Variants in PRKCA observed in about 807,000 individuals in gnomAD.
The protein encoded by PRKCA is protein kinase C alpha type.
In PRKCA, 27 loss-of-function variants were observed where a neutral mutation model predicts 87.0. The ratio of observed to expected loss-of-function variants is 0.31; its 90% CI spans 0.23 to 0.43. PRKCA has a LOEUF of 0.43. Among genes scored for constraint, PRKCA ranks in the 20% least tolerant of loss-of-function variants. PRKCA has a pLI of 1.00. For missense variants in PRKCA, 518 were observed against 852.3 expected (o/e 0.61, Z 4.88); for synonymous variants, 329 against 311.1 (o/e 1.06, Z -0.61).
chr17:66,333,404 A>C (rs1906469736), intron 2 of PRKCA, among the ~76,000 whole-genome samples: 1 of 152,230 alleles, frequency 6.6e-6, no homozygotes, highest in Non-Finnish European at 1.5e-5. Flanking sequence ...TTTTCTGATA[A>C]ATAGTTCAAG....
intron 3 of PRKCA, among the ~76,000 whole-genome samples, chr17:66,604,575 A>G (rs913331759): frequency 1.3e-5 from 2 of 152,230 alleles, no homozygotes; most frequent in African/African-American, 4.8e-5. Flanking sequence ...CTGAGGACAA[A>G]GCACCAGTGT....
At chr17:66,668,058 T>G (rs933838547) in intron 5 of PRKCA, among the ~76,000 whole-genome samples, 1 of 152,226 alleles carries the variant, frequency 6.6e-6, no homozygotes, top group Non-Finnish European at 1.5e-5. Context: ...CTGGCCATAC[T>G]GGATGCATGA....
intron 2 of PRKCA, among the ~76,000 whole-genome samples, chr17:66,397,397 C>A (rs980069841): frequency 2.0e-5 from 3 of 150,770 alleles, no homozygotes; most frequent in African/African-American, 7.3e-5. Flanking sequence ...ACAGTCTAGA[C>A]CATGCTGGAT....
Position 66,546,800 on chromosome 17 carries a change from C to T in PRKCA, c.288+50517C>T, listed in dbSNP as rs546283828. On this transcript the variant is annotated intron_variant, in intron 3 of 16. Transcript: ENST00000413366. Reference sequence around the variant, plus strand: ...ACCCGCAGCATTAGTTTTACCTCTTCGTGTTTTGTTTTGTTTTGTTTGTGG... The same window carrying T: ...ACCCGCAGCATTAGTTTTACCTCTTTGTGTTTTGTTTTGTTTTGTTTGTGG... 5.9e-5 allele frequency among the ~76,000 whole-genome samples: 9 copies of T among 152,186 alleles called. No homozygotes were observed. In the South Asian group the frequency reaches 1.2e-3, roughly 21 times the overall value.
Position 66,804,067 on chromosome 17 carries a change from AG to A in PRKCA, c.*31del, listed in dbSNP as rs1295627053. 1.3e-6 allele frequency: 2 copies of A among 1,585,614 alleles called. No individual in the cohort carries two copies. The highest frequency in any genetic ancestry group is 2.7e-5 in the African/African-American group (2 of 74,304). ...CACCAGCGAGAACAAACACCTCCCC[AG>A]CCCCCAGCCCTCCCCGCAGTGGGAA... On this transcript the variant is annotated 3_prime_UTR_variant, in exon 17 of 17. Transcript: ENST00000413366.
chr17:66,383,985 T>G (rs1909910615), intron 2 of PRKCA, among the ~76,000 whole-genome samples: 1 of 152,114 alleles, frequency 6.6e-6, no homozygotes, highest in African/African-American at 2.4e-5. Context: ...AAGCCATTAA[T>G]GTTATAGTTA....
At chr17:66,771,772 TTA>T (rs1177308740) in intron 13 of PRKCA, among the ~76,000 whole-genome samples, 2 of 152,166 alleles carry the variant, frequency 1.3e-5, no homozygotes, top group East Asian at 3.9e-4. Flanking sequence ...ATTTTTGTAT[TTA>T]TAGTAGAGAC....
chr17:66,556,245 T>C (rs1968490090), intron 3 of PRKCA, among the ~76,000 whole-genome samples: 1 of 151,866 alleles, frequency 6.6e-6, no homozygotes, highest in African/African-American at 2.4e-5. Context: ...TCTACTAAAA[T>C]ATGCATTTGT....
intron 2 of PRKCA, among the ~76,000 whole-genome samples, chr17:66,384,018 A>G (rs1909913869): frequency 6.6e-6 from 1 of 151,796 alleles, no homozygotes; most frequent in Admixed American, 6.6e-5. Flanking sequence ...GTATGCTAGG[A>G]CTCCATTGCA....
intron 16 of PRKCA, among the ~76,000 whole-genome samples, chr17:66,794,245 G>A (rs923746598): frequency 6.6e-6 from 1 of 152,074 alleles, no homozygotes; most frequent in Non-Finnish European, 1.5e-5. Context: ...TTTTTAAAAG[G>A]CAGAAAAATA....
chr17:66,777,101 CAG>C (rs1158740137), intron 14 of PRKCA: 1 of 450,130 alleles, frequency 2.2e-6, no homozygotes, highest in Non-Finnish European at 2.9e-6. Flanking sequence ...TATTATTTTA[CAG>C]AGAGAGAGTT....
At chr17:66,554,337 A>G (rs1968432111) in intron 3 of PRKCA, among the ~76,000 whole-genome samples, 2 of 152,188 alleles carry the variant, frequency 1.3e-5, no homozygotes, top group Non-Finnish European at 2.9e-5. Context: ...CAGTGGAGCC[A>G]TGGAGCCCAG....
chr17:66,404,934 G>C (rs12943274), intron 2 of PRKCA, among the ~76,000 whole-genome samples: 1 of 151,722 alleles, frequency 6.6e-6, no homozygotes, highest in African/African-American at 2.4e-5. Context: ...GTTTTTAGTA[G>C]AGACGGGGTT....
At chr17:66,721,840 C>G (rs1973623825) in intron 8 of PRKCA, among the ~76,000 whole-genome samples, 1 of 152,144 alleles carries the variant, frequency 6.6e-6, no homozygotes, top group Non-Finnish European at 1.5e-5. Context: ...CTAAGAATGC[C>G]TGACCTCCCA....
At chr17:66,606,798 T>C (rs1295804433) in intron 3 of PRKCA, among the ~76,000 whole-genome samples, 4 of 152,104 alleles carry the variant, frequency 2.6e-5, no homozygotes, top group Non-Finnish European at 5.9e-5. Context: ...AGAAATCTCT[T>C]CTAAAACATA....
In PRKCA at chr17:66,566,479, GGTTTTTTTT is replaced by G. The variant is rs965710164; in HGVS notation, c.288+70197_288+70205del. Reference sequence around the variant, plus strand: ...TTGTGAAGAACTGTTGTTGTTTTTTGGTTTTTTTTTTTTTTTTTTTTTTGCAACAGCTTT... The same window carrying G: ...TTGTGAAGAACTGTTGTTGTTTTTTGTTTTTTTTTTTTTTGCAACAGCTTT... On this transcript the variant is annotated intron_variant, in intron 3 of 16. Transcript: ENST00000413366. 4.0e-5 allele frequency among the ~76,000 whole-genome samples: 3 copies of G among 74,704 alleles called. No individual in the cohort carries two copies. The Admixed American group carries it at 4.5e-4, about 11-fold the overall frequency. 49.0% of individuals were successfully genotyped at this position (74,704 alleles called of 152,430 possible). A position where few individuals can be genotyped will look rare whatever the true frequency, so the allele number is the denominator to read the frequency against.
At chr17:66,595,364 T>C (rs1429167880) in intron 3 of PRKCA, among the ~76,000 whole-genome samples, 2 of 152,086 alleles carry the variant, frequency 1.3e-5, no homozygotes, top group Admixed American at 6.6e-5. Context: ...AGTACATCAG[T>C]CGTTGAATTT....
At chr17:66,535,235 C>T (rs1047260741) in intron 3 of PRKCA, among the ~76,000 whole-genome samples, 11 of 151,240 alleles carry the variant, frequency 7.3e-5, no homozygotes, top group Non-Finnish European at 1.2e-4. Flanking sequence ...CTTCACTGCC[C>T]ATCTACACTG....
chr17:66,502,750 G>A (rs1439655882), intron 3 of PRKCA, among the ~76,000 whole-genome samples: 1 of 152,014 alleles, frequency 6.6e-6, no homozygotes, highest in East Asian at 1.9e-4. Flanking sequence ...CGCCTCCTGG[G>A]TTCACGCCAT....
Sources: allele counts gnomAD v4.1 joint callset (sites outside exome capture counted in the v4.1 genomes callset), GRCh38; gene constraint gnomAD v4.1.1; transcripts MANE v1.5; gene names NCBI Gene and HGNC (gene_info 2026-07-23, HGNC 2026-07-21).